The following GNAQ variants were observed in gnomAD, a reference collection of about 807,000 sequenced individuals.
GNAQ encodes the protein guanine nucleotide-binding protein G(q) subunit alpha.
Under a neutral mutation model 43.9 loss-of-function variants are expected in GNAQ, and 8 were observed. The ratio of observed to expected loss-of-function variants is 0.18; its 90% confidence interval spans 0.11 to 0.33. The LOEUF (loss-of-function observed/expected upper bound fraction) is 0.33, where lower values mean the gene tolerates loss of function less well. Among genes scored for constraint, GNAQ ranks in the 10% least tolerant of loss-of-function variants. GNAQ has a pLI of 1.00. For synonymous variants in GNAQ, 155 were observed against 170.7 expected (o/e 0.91, Z 0.71); for missense variants, 158 against 450.8 (o/e 0.35, Z 5.88).
intron 4 of GNAQ, among the ~76,000 whole-genome samples, chr9:77,796,921 A>G (rs1455572608): frequency 6.6e-6 from 1 of 152,244 alleles, no homozygotes; most frequent in African/African-American, 2.4e-5. Context: ...AATTACAGTT[A>G]AGACCAATGG....
At chr9:77,978,451 C>T (rs985039393) in intron 1 of GNAQ, among the ~76,000 whole-genome samples, 2 of 152,204 alleles carry the variant, frequency 1.3e-5, no homozygotes, top group Non-Finnish European at 2.9e-5. Flanking sequence ...TTCCTGCCTT[C>T]TAGCCTCAGG....
chr9:77,923,216 A>G (rs1829023541), intron 1 of GNAQ, among the ~76,000 whole-genome samples: 1 of 152,036 alleles, frequency 6.6e-6, no homozygotes, highest in Admixed American at 6.6e-5. Context: ...ATATCCCCTG[A>G]ATTTATTTCT....
intron 5 of GNAQ, among the ~76,000 whole-genome samples, chr9:77,731,613 C>T (rs1006760544): frequency 2.6e-5 from 4 of 152,224 alleles, no homozygotes; most frequent in African/African-American, 9.6e-5. Context: ...CTGCTTCTTA[C>T]AAGCCCTCCA....
chr9:77,922,182 T>A lies in GNAQ; in HGVS notation c.300A>T (p.Pro100=). 1 of 1,613,236 alleles carries A rather than the reference T, an allele frequency of 6.2e-7. No homozygotes were observed. The highest frequency in any genetic ancestry group is 8.5e-7 in the Non-Finnish European group (1 of 1,179,226). ...CTACCTTATTGTGCTCATACTTGTA[T>A]GGGATCTTGAGTGTGTCCATGGCTC... ...MIRAMDTLKI[P]YKYEHNKAHA... Residue 100 remains proline (P), a synonymous_variant, in exon 2 of 7, where the codon CCA becomes CCT. Transcript: ENST00000286548.
At chr9:77,753,279 G>T (rs1053315217) in intron 5 of GNAQ, among the ~76,000 whole-genome samples, 3 of 151,918 alleles carry the variant, frequency 2.0e-5, no homozygotes, top group African/African-American at 7.3e-5. Context: ...ACACATGCGC[G>T]TGCGCACGCG....
At chr9:78,020,202 A>G (rs1431505396) in intron 1 of GNAQ, among the ~76,000 whole-genome samples, 1 of 152,164 alleles carries the variant, frequency 6.6e-6, no homozygotes, top group Admixed American at 6.5e-5. Flanking sequence ...AGGAGATGCA[A>G]GCCAAGCAAA....
At chr9:77,962,462 C>A (rs908395493) in intron 1 of GNAQ, among the ~76,000 whole-genome samples, 3 of 152,114 alleles carry the variant, frequency 2.0e-5, no homozygotes, top group South Asian at 2.1e-4. Context: ...AAAGACACAA[C>A]TATTTACTGC....
intron 1 of GNAQ, among the ~76,000 whole-genome samples, chr9:77,981,735 G>T (rs913847659): frequency 7.9e-5 from 12 of 152,070 alleles, no homozygotes; most frequent in Non-Finnish European, 1.5e-4. Context: ...AAAGCTATTA[G>T]ACATGTCTCA....
chr9:77,910,513 T>C (rs994551943), intron 2 of GNAQ, among the ~76,000 whole-genome samples: 3 of 152,212 alleles, frequency 2.0e-5, no homozygotes, highest in Non-Finnish European at 4.4e-5. Context: ...ATATGGTGGC[T>C]GTCAATTCCT....
At chr9:77,818,831 C>T (rs1210767308) in intron 2 of GNAQ, among the ~76,000 whole-genome samples, 1 of 151,646 alleles carries the variant, frequency 6.6e-6, no homozygotes, top group African/African-American at 2.4e-5. Context: ...AAGACCCCAT[C>T]TCTATAAAAA....
rs527430647 is a variant in GNAQ at position 78,004,309 on chromosome 9, T to A, written c.136+26791A>T. Among the ~76,000 whole-genome samples, 23 of 151,622 alleles carry A rather than the reference T, an allele frequency of 1.5e-4. No homozygotes were observed. The East Asian group carries it at 4.3e-3, about 28-fold the overall frequency. On this transcript the variant is annotated intron_variant, in intron 1 of 6. Transcript: ENST00000286548. ...AAAAAAAAAAATTAATTAAGTTAAA[T>A]GCTCCAGCTACCTTACTCTTCAGGT... is the stretch of plus-strand genomic sequence containing the variant.
chr9:77,901,626 G>C (rs1828618596), intron 2 of GNAQ, among the ~76,000 whole-genome samples: 1 of 152,170 alleles, frequency 6.6e-6, no homozygotes, highest in Non-Finnish European at 1.5e-5. Context: ...CTTGGGGGCA[G>C]AGAACCTTAC....
chr9:78,013,854 T>C (rs188727206), intron 1 of GNAQ, among the ~76,000 whole-genome samples: 22 of 152,252 alleles, frequency 1.4e-4, no homozygotes, highest in Non-Finnish European at 2.9e-4. Context: ...AAACTGTTTG[T>C]GGCAGAGTTG....
chr9:78,028,513 C>T (rs1824010112), intron 1 of GNAQ, among the ~76,000 whole-genome samples: 1 of 152,196 alleles, frequency 6.6e-6, no homozygotes, highest in African/African-American at 2.4e-5. Flanking sequence ...ACTTTTATCC[C>T]TGTCAAACAA....
chr9:77,888,475 G>A (rs1828346571), intron 2 of GNAQ, among the ~76,000 whole-genome samples: 1 of 152,192 alleles, frequency 6.6e-6, no homozygotes, highest in Non-Finnish European at 1.5e-5. Context: ...GCAGAGTGGG[G>A]TAAATGCAGC....
chr9:77,849,175 G>A (rs1827633260), intron 2 of GNAQ, among the ~76,000 whole-genome samples: 1 of 152,246 alleles, frequency 6.6e-6, no homozygotes, highest in Admixed American at 6.5e-5. Flanking sequence ...AAAGGACGTC[G>A]ATTATTTAAC....
intron 1 of GNAQ, among the ~76,000 whole-genome samples, chr9:77,928,489 A>G (rs1254137749): frequency 6.6e-6 from 1 of 152,226 alleles, no homozygotes; most frequent in Non-Finnish European, 1.5e-5. Flanking sequence ...AGGAAAAGAC[A>G]GGCAAAACAC....
chr9:77,945,670 C>T (rs550618287), intron 1 of GNAQ, among the ~76,000 whole-genome samples: 24 of 152,258 alleles, frequency 1.6e-4, no homozygotes, highest in African/African-American at 5.8e-4. Context: ...AACTGTCATT[C>T]ACAATTCATT....
intron 2 of GNAQ, among the ~76,000 whole-genome samples, chr9:77,837,338 G>C (rs1403716581): frequency 6.6e-6 from 1 of 152,038 alleles, no homozygotes; most frequent in Non-Finnish European, 1.5e-5. Flanking sequence ...GATCGCCTGA[G>C]GTCAGGAGTT....
Sources: allele counts gnomAD v4.1 joint callset (sites outside exome capture counted in the v4.1 genomes callset), GRCh38; gene constraint gnomAD v4.1.1; transcripts MANE v1.5; gene names NCBI Gene and HGNC (gene_info 2026-07-23, HGNC 2026-07-21).